Variants in PPP1R42 observed in about 807,000 individuals in gnomAD.
PPP1R42 encodes the protein protein phosphatase 1 regulatory subunit 42.
A neutral mutation model predicts 31.0 loss-of-function variants in PPP1R42; 34 were observed. The observed-to-expected ratio is 1.10, with a 90% CI of 0.83 to 1.46. The LOEUF (loss-of-function observed/expected upper bound fraction) is 1.46. PPP1R42 is among the 40% of genes most tolerant of loss of function. PPP1R42 has a pLI of 0.00. For synonymous variants in PPP1R42, 103 were observed against 109.8 expected (o/e 0.94, Z 0.39); for missense variants, 268 against 303.0 (o/e 0.88, Z 0.86).
In PPP1R42 at chr8:66,965,128, T is replaced by C. The variant is rs543481278; in HGVS notation, c.803-794A>G. Among the ~76,000 whole-genome samples, 61 of 152,320 alleles carry C rather than the reference T, an allele frequency of 4.0e-4. 1 individual carries two copies. The South Asian group carries it at 0.011, about 27-fold the overall frequency. On this transcript the variant is annotated intron_variant, in intron 7 of 7. Transcript: ENST00000685739. ...TGTATCACTAGTTCATTCCTTTGTA[T>C]TGCTGAATAGTATTCCATTGTGTAG... is the stretch of plus-strand genomic sequence containing the variant.
intron 5 of PPP1R42, among the ~76,000 whole-genome samples, chr8:67,001,220 T>TG (rs1169414050): frequency 5.3e-4 from 79 of 150,016 alleles, no homozygotes; most frequent in African/African-American, 1.8e-3. Flanking sequence ...AGAGTACCAT[T>TG]GGATTTTTTT....
chr8:67,018,747 G>A (rs1416534463), intron 1 of PPP1R42, among the ~76,000 whole-genome samples: 1 of 139,980 alleles, frequency 7.1e-6, no homozygotes, highest in Non-Finnish European at 1.5e-5. Flanking sequence ...TCCTGACCTT[G>A]AGATCCGCCC....
At chr8:66,974,311 T>G (rs1377404424) in intron 7 of PPP1R42, among the ~76,000 whole-genome samples, 1 of 152,102 alleles carries the variant, frequency 6.6e-6, no homozygotes, top group Non-Finnish European at 1.5e-5. Context: ...TACCAGCAGT[T>G]TGGGGGGCTG....
chr8:66,990,680 A>T (rs1004146412), intron 5 of PPP1R42, among the ~76,000 whole-genome samples: 8 of 152,160 alleles, frequency 5.3e-5, no homozygotes, highest in African/African-American at 1.9e-4. Flanking sequence ...ACCATTAATG[A>T]TGACCGCTGA....
chr8:66,985,261 C>T (rs1044783651), intron 6 of PPP1R42: 6 of 1,031,832 alleles, frequency 5.8e-6, no homozygotes, highest in South Asian at 2.6e-5. Context: ...GCGTTTCTGG[C>T]GCTGGGAAGC....
At chr8:66,987,065 T>C (rs569556514) in intron 6 of PPP1R42, among the ~76,000 whole-genome samples, 1 of 152,294 alleles carries the variant, frequency 6.6e-6, no homozygotes, top group African/African-American at 2.4e-5. Context: ...TCTTTCCAGA[T>C]CTATTTTTAT....
intron 2 of PPP1R42, among the ~76,000 whole-genome samples, chr8:67,017,149 A>T (rs1421952599): frequency 6.6e-6 from 1 of 152,168 alleles, no homozygotes; most frequent in Admixed American, 6.5e-5. Flanking sequence ...AAGTTAAAAT[A>T]AAAACACAAT....
intron 7 of PPP1R42, among the ~76,000 whole-genome samples, chr8:66,968,906 A>G (rs1375388337): frequency 6.6e-6 from 1 of 152,322 alleles, no homozygotes; most frequent in East Asian, 1.9e-4. Flanking sequence ...AAAATTGAAG[A>G]CTCAGGATTG....
chr8:66,998,859 A>G (rs1815404810), intron 5 of PPP1R42, among the ~76,000 whole-genome samples: 2 of 152,088 alleles, frequency 1.3e-5, no homozygotes, highest in South Asian at 4.1e-4. Context: ...CTGAATGCCA[A>G]AACAATCTTG....
chr8:67,021,318 T>C (rs552230194), intron 1 of PPP1R42: 19 of 152,276 alleles, frequency 1.2e-4, no homozygotes, highest in African/African-American at 4.6e-4. Flanking sequence ...AATGTATTCT[T>C]AGACTCTTCA....
chr8:67,013,457 C>A (rs1489196651), intron 3 of PPP1R42, among the ~76,000 whole-genome samples: 1 of 151,854 alleles, frequency 6.6e-6, no homozygotes, highest in Non-Finnish European at 1.5e-5. Flanking sequence ...TGGTTCACAC[C>A]TGTAATCCCA....
At chr8:66,981,936 C>G in intron 7 of PPP1R42, 113 bp downstream of exon 7, 8 of 1,121,604 alleles carry the variant, frequency 7.1e-6, no homozygotes, top group Non-Finnish European at 9.1e-6. Flanking sequence ...CCCCATAAAA[C>G]AACAACAACA....
At chr8:66,982,311 C>T in intron 6 of PPP1R42, 131 bp from the exon 7 acceptor site, 3 of 430,286 alleles carry the variant, frequency 7.0e-6, no homozygotes, top group East Asian at 7.1e-5. Context: ...TTTTAAAATA[C>T]ATTAATTATA....
intron 5 of PPP1R42, among the ~76,000 whole-genome samples, chr8:67,001,895 T>G (rs1488635383): frequency 6.6e-6 from 1 of 152,246 alleles, no homozygotes; most frequent in Non-Finnish European, 1.5e-5. Context: ...TCAGGAAATT[T>G]AGGCTGCAGT....
chr8:66,967,194 A>G (rs1487218435), intron 7 of PPP1R42, among the ~76,000 whole-genome samples: 1 of 151,730 alleles, frequency 6.6e-6, no homozygotes, highest in Non-Finnish European at 1.5e-5. Context: ...CTGGTTTCGA[A>G]CTCCTGGACT....
At chr8:66,986,977 A>G (rs1815037857) in intron 6 of PPP1R42, among the ~76,000 whole-genome samples, 1 of 152,160 alleles carries the variant, frequency 6.6e-6, no homozygotes, top group African/African-American at 2.4e-5. Flanking sequence ...CAGCCTGGCC[A>G]ACATAATGAA....
intron 5 of PPP1R42, among the ~76,000 whole-genome samples, chr8:66,991,841 C>T (rs1314506920): frequency 1.3e-5 from 2 of 152,132 alleles, no homozygotes; most frequent in African/African-American, 2.4e-5. Flanking sequence ...CTTTCATGTG[C>T]TTAAGAATCC....
chr8:66,981,772 T>C (rs17424078), intron 7 of PPP1R42, among the ~76,000 whole-genome samples: 3,599 of 152,320 alleles, frequency 0.024, 56 homozygotes, highest in Admixed American at 0.044. Context: ...TATACAATTA[T>C]ACATTTTTCC....
rs1815893614 is a variant in PPP1R42 at position 67,013,094 on chromosome 8, T to C, written c.299A>G (p.Tyr100Cys). The C allele has an allele frequency of 6.3e-7, 1 of 1,592,316 alleles. No individual in the cohort carries two copies. Residue 100 changes from tyrosine (Y) to cysteine (C), a missense_variant and splice_region_variant, in exon 4 of 8, where the codon TAT becomes TGT. Transcript: ENST00000685739. The part of the protein sequence containing the change: ...LRSLKKLEKL[Y>C]LGGNYIAVIE... ...GACAGCAATGTAATTGCCTCCCAGA[T>C]ACCTGCAAAACATAGACATAATTCT...
Sources: gnomAD v4.1 joint callset for allele counts (sites outside exome capture counted in the v4.1 genomes callset) on GRCh38, gnomAD v4.1.1 for gene constraint, MANE v1.5 for transcripts, NCBI Gene and HGNC (gene_info 2026-07-23, HGNC 2026-07-21) for gene names.